UNC13B: variants seen among roughly 807,000 people sequenced by gnomAD.
The protein encoded by UNC13B is unc-13 homolog B, also known as protein unc-13 homolog B.
Under a neutral mutation model 211.0 loss-of-function variants are expected in UNC13B, and 144 were observed. That is an observed-to-expected ratio of 0.68 (90% CI 0.60 to 0.78). UNC13B has a LOEUF of 0.78. UNC13B is among the 30% of genes least tolerant of loss of function. UNC13B has a pLI of 0.00. For missense variants in UNC13B, 1,777 were observed against 2,002.0 expected (o/e 0.89, Z 2.14); for synonymous variants, 709 against 725.8 (o/e 0.98, Z 0.37).
Position 35,398,927 on chromosome 9 carries a change from C to T in UNC13B, c.11967C>T (p.Ile3989=), listed in dbSNP as rs565934590. Residue 3989 remains isoleucine (I), a synonymous_variant, in exon 33 of 40, where the codon ATC becomes ATT. Coordinates refer to ENST00000635942, the MANE Select transcript of UNC13B (RefSeq NM_001371189.2). ...IDECVRQMAD[I]LGQVRGTGNA... ...AGTGTGTTCGACAAATGGCCGACAT[C>T]CTGGGCCAGGTTCGGGGCACAGGGA... The T allele has an allele frequency of 9.9e-6, 16 of 1,614,192 alleles. No homozygotes were observed. The Admixed American group carries it at 2.2e-4, about 22-fold the overall frequency.
chr9:35,335,658 G>C (rs1831610039), intron 11 of UNC13B, among the ~76,000 whole-genome samples: 1 of 151,192 alleles, frequency 6.6e-6, no homozygotes, highest in South Asian at 2.1e-4. Flanking sequence ...TAAAACTGTT[G>C]ACTGATTTCT....
At chr9:35,329,491 A>ATT (rs112246958) in intron 11 of UNC13B, among the ~76,000 whole-genome samples, 33 of 144,796 alleles carry the variant, frequency 2.3e-4, no homozygotes, top group South Asian at 4.4e-4. Context: ...GCATTGTGAG[A>ATT]TTTTTTTTTT....
Position 35,236,454 on chromosome 9 carries a change from TC to T in UNC13B, c.153-13del. The T allele has an allele frequency of 6.2e-7, 1 of 1,605,238 alleles. No individual in the cohort carries two copies. The highest frequency in any genetic ancestry group is 2.2e-5 in the East Asian group (1 of 44,834). On this transcript the variant is annotated splice_polypyrimidine_tract_variant and intron_variant, in intron 3 of 39. Coordinates refer to ENST00000635942, the MANE Select transcript of UNC13B (RefSeq NM_001371189.2). ...TTGTCTAGCTTTCCTCAAAGGGCTT[TC>T]CTCTTTCCCTTAGTGAGATTAGTCG... is the stretch of plus-strand genomic sequence containing the variant.
Position 35,236,514 on chromosome 9 carries a change from C to T in UNC13B, c.198C>T (p.Asn66=), listed in dbSNP as rs753018791. 3 of 1,613,946 alleles carry T rather than the reference C, an allele frequency of 1.9e-6. No homozygotes were observed. In the Admixed American group the frequency reaches 5.0e-5, roughly 27 times the overall value. Reference sequence around the variant, plus strand: ...TGGGTCTAAGTGTGGAGGTATGGAACAAAGGACTGATCTGGGACACCATGG... The same window carrying T: ...TGGGTCTAAGTGTGGAGGTATGGAATAAAGGACTGATCTGGGACACCATGG... ...LDLGLSVEVW[N]KGLIWDTMVG... is the part of the protein sequence containing the mutation. The change falls in exon 4 of 40, where the codon AAC becomes AAT. Residue 66 remains asparagine, a synonymous_variant. Coordinates refer to ENST00000635942, the MANE Select transcript of UNC13B (RefSeq NM_001371189.2).
intron 1 of UNC13B, among the ~76,000 whole-genome samples, chr9:35,200,864 A>G (rs1823243531): frequency 1.3e-5 from 2 of 152,312 alleles, no homozygotes; most frequent in South Asian, 2.1e-4. Context: ...CAGAACTTCC[A>G]ACACTATGTT....
intron 21 of UNC13B, among the ~76,000 whole-genome samples, chr9:35,383,115 G>A (rs1404646726): frequency 6.6e-6 from 1 of 152,176 alleles, no homozygotes; most frequent in African/African-American, 2.4e-5. Flanking sequence ...CAGTCTTGCA[G>A]GTCCACAAAT....
chr9:35,295,337 A>G (rs2131797884), intron 7 of UNC13B, among the ~76,000 whole-genome samples: 1 of 152,250 alleles, frequency 6.6e-6, no homozygotes, highest in African/African-American at 2.4e-5. Context: ...CCTTTCTTTA[A>G]TAACAGGGGA....
intron 14 of UNC13B, among the ~76,000 whole-genome samples, chr9:35,375,495 A>G (rs533704265): frequency 6.6e-6 from 1 of 152,192 alleles, no homozygotes; most frequent in Non-Finnish European, 1.5e-5. Context: ...TGCTGGAACA[A>G]GGCTCGGATC....
chr9:35,305,860 A>T lies in UNC13B; in HGVS notation c.6456A>T (p.Gln2152His), dbSNP rs1829897822. Reference protein sequence around the residue: ...SFSMAATSSSQPELSTKKSIF... With the variant: ...SFSMAATSSSHPELSTKKSIF... ...CTATGGCTGCAACATCTTCATCTCA[A>T]CCAGAGTTATCAACCAAAAAGAGTA... is the stretch of plus-strand genomic sequence containing the variant. Residue 2152 changes from glutamine (Q) to histidine (H), a missense_variant, in exon 9 of 40, where the codon CAA becomes CAT. Transcript: ENST00000635942. 2.5e-6 allele frequency: 1 copy of T among 398,888 alleles called. No individual in the cohort carries two copies. Among genetic ancestry groups the T allele is most frequent in the Non-Finnish European group, 4.4e-6 (1 of 226,046 alleles). The allele number at this position is 398,888 out of a possible 1,614,324, so 24.7% of individuals were successfully genotyped here. A position where few individuals can be genotyped will look rare whatever the true frequency, so the allele number is the denominator to read the frequency against.
intron 7 of UNC13B, among the ~76,000 whole-genome samples, chr9:35,293,530 C>A (rs1829196225): frequency 1.3e-5 from 2 of 152,150 alleles, no homozygotes; most frequent in Non-Finnish European, 2.9e-5. Flanking sequence ...GTTGCCTCTG[C>A]CCCTTCATCT....
chr9:35,313,739 G>A (rs939313005), intron 10 of UNC13B, among the ~76,000 whole-genome samples, 160 bp from the exon 11 acceptor site: 1 of 152,148 alleles, frequency 6.6e-6, no homozygotes, highest in Non-Finnish European at 1.5e-5. Flanking sequence ...TTTCACATTG[G>A]ATATTCAAGT....
intron 36 of UNC13B, 34 bp from the exon 37 acceptor site, chr9:35,400,262 A>C: frequency 6.2e-7 from 1 of 1,608,020 alleles, no homozygotes; most frequent in South Asian, 1.1e-5. Flanking sequence ...CTGTAAGGGG[A>C]TGAAGCAGTC....
chr9:35,357,198 G>A (rs1036966434), intron 11 of UNC13B, among the ~76,000 whole-genome samples: 2 of 152,152 alleles, frequency 1.3e-5, no homozygotes, highest in South Asian at 2.1e-4. Flanking sequence ...ATTCCCACCC[G>A]TAACATATGA....
rs748932310 is a variant in UNC13B at position 35,386,283 on chromosome 9, A to G, written c.11084A>G (p.Gln3695Arg). 3.4e-5 allele frequency: 55 copies of G among 1,614,006 alleles called. No homozygotes were observed. Among genetic ancestry groups the G allele is most frequent in the Middle Eastern group, 3.3e-4 (2 of 6,082 alleles). Reference protein sequence around the residue: ...FNNCHDLYSRQYQLKQELPPE... With the variant: ...FNNCHDLYSRRYQLKQELPPE... The stretch of plus-strand genomic sequence containing the variant: ...AACTGCCACGACTTATACAGCCGCC[A>G]GTACCAGCTGGTAAGAGGTTCAGGA... Residue 3695 changes from glutamine to arginine, a missense_variant, in exon 24 of 40, where the codon CAG (glutamine) becomes CGG (arginine). By Grantham distance (43) the Gln-to-Arg change is conservative. Transcript: ENST00000635942.
chr9:35,228,137 G>C, intron 2 of UNC13B, 93 bp downstream of exon 2: 3 of 1,143,322 alleles, frequency 2.6e-6, no homozygotes, highest in Non-Finnish European at 3.7e-6. Flanking sequence ...ATCAAATTCA[G>C]TAATTTGATT....
Position 35,398,302 on chromosome 9 carries a change from T to C in UNC13B, c.11832+14T>C. 1 of 1,610,238 alleles carries C rather than the reference T, an allele frequency of 6.2e-7. No individual in the cohort carries two copies. The highest frequency in any genetic ancestry group is 8.5e-7 in the Non-Finnish European group (1 of 1,177,304). On this transcript the variant is annotated intron_variant, in intron 31 of 39. Transcript: ENST00000635942. ...GGAGGCAAGGAGGTAGGTCTTAGGG[T>C]TTGGGAGTCACTGTATTTTCCCTTT...
chr9:35,367,070 A>T, intron 12 of UNC13B, 77 bp downstream of exon 12: 1 of 1,423,136 alleles, frequency 7.0e-7, no homozygotes, highest in East Asian at 2.3e-5. Flanking sequence ...CCTGGGAAGC[A>T]GGGGAACCAG....
chr9:35,316,709 GA>G (rs955740053), intron 11 of UNC13B, among the ~76,000 whole-genome samples: 1 of 152,048 alleles, frequency 6.6e-6, no homozygotes, highest in Non-Finnish European at 1.5e-5. Flanking sequence ...CAGAGAAGAG[GA>G]AAAATTACTA....
intron 11 of UNC13B, among the ~76,000 whole-genome samples, chr9:35,341,143 T>C (rs1230760531): frequency 6.6e-6 from 1 of 152,238 alleles, no homozygotes; most frequent in East Asian, 1.9e-4. Flanking sequence ...GATATCACTT[T>C]AGGTTACTTC....
Sources: allele counts gnomAD v4.1 joint callset (sites outside exome capture counted in the v4.1 genomes callset), GRCh38; gene constraint gnomAD v4.1.1; transcripts MANE v1.5; gene names NCBI Gene and HGNC (gene_info 2026-07-23, HGNC 2026-07-21).